Variants in VPS13A observed in about 807,000 individuals in gnomAD.
VPS13A encodes the protein vacuolar protein sorting 13 homolog A.
A neutral mutation model predicts 390.9 loss-of-function variants in VPS13A; 264 were observed. The ratio of observed to expected loss-of-function variants is 0.68; its 90% CI spans 0.61 to 0.75. The LOEUF (loss-of-function observed/expected upper bound fraction) is 0.75. Among genes scored for constraint, VPS13A ranks in the 30% least tolerant of loss-of-function variants. The pLI, the probability that VPS13A is intolerant of heterozygous loss-of-function variation, is 0.00. For missense variants in VPS13A, 3,409 were observed against 3,733.9 expected (o/e 0.91, Z 2.27); for synonymous variants, 1,231 against 1,227.1 (o/e 1.00, Z -0.07).
At chr9:77,191,917 T>G (rs1192293769) in intron 1 of VPS13A, among the ~76,000 whole-genome samples, 1 of 152,038 alleles carries the variant, frequency 6.6e-6, no homozygotes, top group Non-Finnish European at 1.5e-5. Flanking sequence ...AGTGTTGACT[T>G]TAGGTCTGTC....
chr9:77,251,390 G>T (rs1186437372), intron 21 of VPS13A, among the ~76,000 whole-genome samples: 1 of 152,054 alleles, frequency 6.6e-6, no homozygotes, highest in African/African-American at 2.4e-5. Flanking sequence ...ATTTCTTTCT[G>T]ATTATACCTA....
chr9:77,180,818 T>C lies in VPS13A; in HGVS notation c.100+3014T>C, dbSNP rs969635369. On this transcript the variant is annotated intron_variant, in intron 1 of 71. Coordinates refer to ENST00000360280, the MANE Select transcript of VPS13A (RefSeq NM_033305.3). ...CAATACTACACTGTCTTGATAACTG[T>C]GTCTTTGTAGTTAGTCTAGAAATCA... 2.6e-5 allele frequency among the ~76,000 whole-genome samples: 4 copies of C among 152,366 alleles called. No homozygotes were observed. In the South Asian group the frequency reaches 8.3e-4, roughly 32 times the overall value.
At chr9:77,196,801 CAT>C (rs1825032036) in intron 1 of VPS13A, among the ~76,000 whole-genome samples, 2 of 152,104 alleles carry the variant, frequency 1.3e-5, no homozygotes, top group African/African-American at 4.8e-5. Context: ...CTGCAATAAA[CAT>C]AAAGTCCAGG....
chr9:77,397,935 A>G lies in VPS13A; in HGVS notation c.9190-5301A>G, dbSNP rs148195858. 1.5e-3 allele frequency among the ~76,000 whole-genome samples: 233 copies of G among 152,350 alleles called. 1 individual carries two copies. The highest frequency in any genetic ancestry group is 5.4e-3 in the African/African-American group (224 of 41,588). ...TGTTTTTCCTTTAACATTTAAGCAT[A>G]TAAATGAGGCTAACATGTCTAAAGT... On this transcript the variant is annotated intron_variant, in intron 68 of 71. Coordinates refer to ENST00000360280, the MANE Select transcript of VPS13A (RefSeq NM_033305.3).
chr9:77,244,163 G>C (rs557324683), intron 19 of VPS13A, among the ~76,000 whole-genome samples: 5 of 152,092 alleles, frequency 3.3e-5, no homozygotes, highest in African/African-American at 1.2e-4. Context: ...GCTTGAGCCC[G>C]GGAGGTCAGG....
Position 77,402,671 on chromosome 9 carries a change from CAG to C in VPS13A, c.9190-564_9190-563del, listed in dbSNP as rs1427076425. Among the ~76,000 whole-genome samples, 7 of 152,112 alleles carry C rather than the reference CAG, an allele frequency of 4.6e-5. No homozygotes were observed. In the East Asian group the frequency reaches 5.8e-4, roughly 13 times the overall value. ...GTTAATAAACAGTGTCATGGATAGACAGTGTTTCAACAGTCTTGAAAATAAAG... is the reference window on the plus strand; with the variant it reads ...GTTAATAAACAGTGTCATGGATAGACTGTTTCAACAGTCTTGAAAATAAAG... On this transcript the variant is annotated intron_variant, in intron 68 of 71. Transcript: ENST00000360280.
chr9:77,368,214 TGGAACTATTGA>T, intron 62 of VPS13A, 78 bp downstream of exon 62: 1 of 1,176,262 alleles, frequency 8.5e-7, no homozygotes, highest in Non-Finnish European at 1.2e-6. Flanking sequence ...ATATATAATG[TGGAACTATTGA>T]GGAACTAAAT....
intron 68 of VPS13A, among the ~76,000 whole-genome samples, chr9:77,392,771 A>T (rs1394619864): frequency 6.0e-5 from 9 of 149,804 alleles, no homozygotes; most frequent in Non-Finnish European, 8.9e-5. Flanking sequence ...ATAACTATAT[A>T]AAACTATATA....
chr9:77,414,528 G>GA (rs1435070569), intron 71 of VPS13A, among the ~76,000 whole-genome samples: 1 of 151,476 alleles, frequency 6.6e-6, no homozygotes, highest in Admixed American at 6.6e-5. Context: ...TCATAGGTGG[G>GA]AATTGAACAA....
chr9:77,278,450 A>G (rs1334071294), intron 26 of VPS13A, among the ~76,000 whole-genome samples: 1 of 152,188 alleles, frequency 6.6e-6, no homozygotes, highest in Non-Finnish European at 1.5e-5. Context: ...GCAAACAGAA[A>G]AAAGAGTATA....
chr9:77,317,951 T>C (rs1829501690), intron 40 of VPS13A, among the ~76,000 whole-genome samples: 1 of 151,950 alleles, frequency 6.6e-6, no homozygotes, highest in African/African-American at 2.4e-5. Context: ...AATTACTTTA[T>C]ACTTCATCAG....
chr9:77,197,828 G>A (rs773860937), intron 1 of VPS13A, among the ~76,000 whole-genome samples: 12 of 152,308 alleles, frequency 7.9e-5, no homozygotes, highest in South Asian at 2.1e-4. Flanking sequence ...AAGGAAAGGC[G>A]TCACTGTCTC....
chr9:77,222,510 A>G (rs1483722835), intron 13 of VPS13A, among the ~76,000 whole-genome samples: 2 of 152,208 alleles, frequency 1.3e-5, no homozygotes, highest in Non-Finnish European at 2.9e-5. Context: ...TACTTGAAAT[A>G]CAGGCATACT....
intron 67 of VPS13A, among the ~76,000 whole-genome samples, chr9:77,376,964 G>A (rs957865355): frequency 6.6e-6 from 1 of 152,134 alleles, no homozygotes; most frequent in Admixed American, 6.5e-5. Context: ...AAATTTTAGG[G>A]TCAGTTTGTC....
At chr9:77,211,397 G>C (rs1825967281) in intron 7 of VPS13A, 1 of 152,202 alleles carries the variant, frequency 6.6e-6, no homozygotes, top group South Asian at 2.1e-4. Flanking sequence ...GCACTTTCCA[G>C]TGTTGTTGAC....
intron 12 of VPS13A, 93 bp downstream of exon 12, chr9:77,220,476 AT>A: frequency 1.2e-6 from 1 of 865,964 alleles, no homozygotes; most frequent in Non-Finnish European, 1.8e-6. Flanking sequence ...AAGATATACC[AT>A]TTTTAAGGTC....
At chr9:77,395,898 G>T (rs1156796636) in intron 68 of VPS13A, 1 of 152,104 alleles carries the variant, frequency 6.6e-6, no homozygotes, top group Non-Finnish European at 1.5e-5. Context: ...CACCATGACA[G>T]TTTTCCACAC....
chr9:77,409,239 C>A (rs920169101), intron 71 of VPS13A, among the ~76,000 whole-genome samples: 2 of 152,216 alleles, frequency 1.3e-5, no homozygotes, highest in African/African-American at 4.8e-5. Flanking sequence ...AGGGTCCTGA[C>A]TGTTTGTTAG....
intron 10 of VPS13A, among the ~76,000 whole-genome samples, chr9:77,218,412 C>A (rs1822988302): frequency 6.6e-6 from 1 of 151,140 alleles, no homozygotes; most frequent in Non-Finnish European, 1.5e-5. Context: ...TGCACCCAGC[C>A]CTTTGCCCAC....
Sources: allele counts gnomAD v4.1 joint callset (sites outside exome capture counted in the v4.1 genomes callset), GRCh38; gene constraint gnomAD v4.1.1; transcripts MANE v1.5; gene names NCBI Gene and HGNC (gene_info 2026-07-23, HGNC 2026-07-21).